The following KCNE1 variants were observed in gnomAD, a reference collection of about 807,000 sequenced individuals.
KCNE1 encodes potassium voltage-gated channel subfamily E member 1.
Under a neutral mutation model 2.9 loss-of-function variants are expected in KCNE1, and 1 was observed. That is an observed-to-expected ratio of 0.34 (90% CI 0.12 to 1.62). KCNE1 has a LOEUF of 1.62. Ranked by LOEUF, KCNE1 falls within the 40% of genes most tolerant of loss-of-function variation. The probability of loss-of-function intolerance (pLI) is 0.36; values close to 1 mark genes in which losing one functional copy is unlikely to be tolerated. For synonymous variants in KCNE1, 23 were observed against 65.4 expected, an observed-to-expected ratio of 0.35 and a Z score of 3.13; for missense variants, 45 against 150.5, an observed-to-expected ratio of 0.30 and a Z score of 3.67.
chr21:34,497,120 A>T lies in KCNE1; in HGVS notation c.-162+13981T>A, dbSNP rs576824283. Among the ~76,000 whole-genome samples the T allele has an allele frequency of 3.3e-5, 5 of 152,248 alleles. No homozygotes were observed. The South Asian group carries it at 1.0e-3, about 32-fold the overall frequency. On this transcript the variant is annotated intron_variant, in intron 2 of 3. Coordinates refer to ENST00000399286, the MANE Select transcript of KCNE1 (RefSeq NM_000219.6). Reference sequence around the variant, plus strand: ...TTGATGGATTTTTATCTATTCTTCCATTCTGTATCTTTTAAGTGGAGCATT... The same window carrying T: ...TTGATGGATTTTTATCTATTCTTCCTTTCTGTATCTTTTAAGTGGAGCATT...
At chr21:34,500,438 T>C (rs1399223370) in intron 2 of KCNE1, among the ~76,000 whole-genome samples, 1 of 152,260 alleles carries the variant, frequency 6.6e-6, no homozygotes, top group Non-Finnish European at 1.5e-5. Flanking sequence ...GTTTGATATA[T>C]AGTTGGCCTC....
intron 2 of KCNE1, among the ~76,000 whole-genome samples, chr21:34,500,888 T>C (rs1464588127): frequency 6.6e-6 from 1 of 152,214 alleles, no homozygotes; most frequent in African/African-American, 2.4e-5. Context: ...TTTCAACCAG[T>C]TTCCCATTGG....
intron 2 of KCNE1, among the ~76,000 whole-genome samples, chr21:34,499,818 A>C (rs1410091195): frequency 6.6e-6 from 1 of 152,130 alleles, no homozygotes; most frequent in Non-Finnish European, 1.5e-5. Flanking sequence ...CTTTAAAAGG[A>C]TCAGTGAATT....
intron 2 of KCNE1, among the ~76,000 whole-genome samples, chr21:34,499,264 C>A (rs1031929919): frequency 6.6e-6 from 1 of 152,230 alleles, no homozygotes; most frequent in South Asian, 2.1e-4. Context: ...CCAAGTTTAT[C>A]TCTGGGCAGC....
At chr21:34,502,501 G>A (rs954005868) in intron 2 of KCNE1, among the ~76,000 whole-genome samples, 9 of 152,162 alleles carry the variant, frequency 5.9e-5, no homozygotes, top group Non-Finnish European at 1.2e-4. Flanking sequence ...CCCAAGACAT[G>A]TCCTGTCCTT....
At chr21:34,497,761 C>T (rs894585115) in intron 2 of KCNE1, among the ~76,000 whole-genome samples, 1 of 152,236 alleles carries the variant, frequency 6.6e-6, no homozygotes, top group Admixed American at 6.5e-5. Flanking sequence ...ATTGTTCCCT[C>T]AAATAAGTTC....
intron 2 of KCNE1, among the ~76,000 whole-genome samples, chr21:34,500,104 T>C (rs1414011465): frequency 1.3e-5 from 2 of 152,224 alleles, no homozygotes; most frequent in African/African-American, 2.4e-5. Flanking sequence ...TGAATTATTA[T>C]TTAACTTTAT....
chr21:34,508,308 G>A (rs557671703), intron 2 of KCNE1, among the ~76,000 whole-genome samples: 3 of 151,702 alleles, frequency 2.0e-5, no homozygotes, highest in South Asian at 4.2e-4. Context: ...GATTATAGGC[G>A]TGAGCCACTG....
At chr21:34,504,484 G>A (rs1983362892) in intron 2 of KCNE1, among the ~76,000 whole-genome samples, 1 of 152,156 alleles carries the variant, frequency 6.6e-6, no homozygotes, top group South Asian at 2.1e-4. Flanking sequence ...ATGTAAAACG[G>A]TACAGCTGCC....
intron 2 of KCNE1, among the ~76,000 whole-genome samples, chr21:34,507,327 T>C: frequency 6.6e-6 from 1 of 152,098 alleles, no homozygotes; most frequent in East Asian, 1.9e-4. Flanking sequence ...TTTATGGCCA[T>C]AGCTTGAGTC....
At chr21:34,501,338 G>A (rs1232791060) in intron 2 of KCNE1, among the ~76,000 whole-genome samples, 1 of 152,188 alleles carries the variant, frequency 6.6e-6, no homozygotes, top group Non-Finnish European at 1.5e-5. Flanking sequence ...GAAGCAGTCT[G>A]CTTCAGGCAG....
At chr21:34,507,015 G>T (rs1221414652) in intron 2 of KCNE1, among the ~76,000 whole-genome samples, 3 of 152,234 alleles carry the variant, frequency 2.0e-5, no homozygotes, top group African/African-American at 7.2e-5. Context: ...CATGCCTGCA[G>T]TCTTCACGGG....
intron 2 of KCNE1, among the ~76,000 whole-genome samples, chr21:34,497,722 C>T (rs1259569691): frequency 6.6e-6 from 1 of 152,192 alleles, no homozygotes; most frequent in South Asian, 2.1e-4. Flanking sequence ...ATATCTAGGT[C>T]TCTAGCAAGG....
At chr21:34,497,374 TG>T (rs1219278576) in intron 2 of KCNE1, among the ~76,000 whole-genome samples, 1 of 152,242 alleles carries the variant, frequency 6.6e-6, no homozygotes, top group Admixed American at 6.5e-5. Context: ...GGTGCTGGCT[TG>T]GGAGTGGCAA....
chr21:34,504,054 G>A (rs1983325816), intron 2 of KCNE1, among the ~76,000 whole-genome samples: 1 of 152,220 alleles, frequency 6.6e-6, no homozygotes, highest in South Asian at 2.1e-4. Context: ...TAAACAGCTG[G>A]TGTGTGAAGT....
At chr21:34,509,766 A>C in intron 2 of KCNE1, 1 of 151,946 alleles carries the variant, frequency 6.6e-6, no homozygotes, top group Non-Finnish European at 1.5e-5. Context: ...CCCTTTTTCA[A>C]CTTTTATTTT....
chr21:34,505,893 A>G (rs938955135), intron 2 of KCNE1, among the ~76,000 whole-genome samples: 1 of 152,234 alleles, frequency 6.6e-6, no homozygotes. Context: ...AGGACAAGCA[A>G]AGGTCCTGCC....
At chr21:34,499,312 C>T (rs1206678030) in intron 2 of KCNE1, among the ~76,000 whole-genome samples, 1 of 152,240 alleles carries the variant, frequency 6.6e-6, no homozygotes, top group East Asian at 1.9e-4. Context: ...AGGCTATAAG[C>T]TTCCCTGCTG....
intron 2 of KCNE1, among the ~76,000 whole-genome samples, chr21:34,507,881 C>T (rs763689256): frequency 3.3e-5 from 5 of 152,216 alleles, no homozygotes; most frequent in Non-Finnish European, 7.3e-5. Context: ...TGTCTTTCTT[C>T]AGAGGCACAC....
Sources: gnomAD v4.1 joint callset for allele counts (sites outside exome capture counted in the v4.1 genomes callset) on GRCh38, gnomAD v4.1.1 for gene constraint, MANE v1.5 for transcripts, NCBI Gene and HGNC (gene_info 2026-07-23, HGNC 2026-07-21) for gene names.